The following CNNM2 variants were observed in gnomAD, a reference collection of about 807,000 sequenced individuals.
CNNM2 encodes the protein cyclin and CBS domain divalent metal cation transport mediator 2, also known as metal transporter CNNM2.
CNNM2 carries 12 observed loss-of-function variants against 66.9 expected under a neutral mutation model. That is an observed-to-expected ratio of 0.18 (90% CI 0.11 to 0.29). The LOEUF (loss-of-function observed/expected upper bound fraction) is 0.29, where lower values mean the gene tolerates loss of function less well. CNNM2 is among the 10% of genes least tolerant of loss of function. The pLI is 1.00. For missense variants in CNNM2, 705 were observed against 1,167.7 expected (o/e 0.60, Z 5.77); for synonymous variants, 557 against 501.8 (o/e 1.11, Z -1.47).
intron 1 of CNNM2, among the ~76,000 whole-genome samples, chr10:102,926,647 G>A (rs1377663162): frequency 6.6e-6 from 1 of 151,852 alleles, no homozygotes; most frequent in East Asian, 1.9e-4. Flanking sequence ...CCAGGTTCGA[G>A]TGATCCTCCC....
intron 1 of CNNM2, among the ~76,000 whole-genome samples, chr10:102,973,502 CTGTG>C (rs533098295): frequency 6.7e-6 from 1 of 149,338 alleles, no homozygotes; most frequent in South Asian, 2.1e-4. Flanking sequence ...TGCTAATTTT[CTGTG>C]TGTGTGTGTG....
At chr10:102,948,062 A>C (rs1205911620) in intron 1 of CNNM2, among the ~76,000 whole-genome samples, 2 of 152,138 alleles carry the variant, frequency 1.3e-5, no homozygotes, top group Non-Finnish European at 2.9e-5. Context: ...AAAAAACAAA[A>C]AAACAAACAC....
chr10:103,001,141 A>G (rs1170413380), intron 1 of CNNM2, among the ~76,000 whole-genome samples: 1 of 152,176 alleles, frequency 6.6e-6, no homozygotes, highest in Non-Finnish European at 1.5e-5. Context: ...AGTCAAAATT[A>G]TAGAGATAGA....
chr10:102,956,530 T>C (rs1243655973), intron 1 of CNNM2, among the ~76,000 whole-genome samples: 2 of 152,212 alleles, frequency 1.3e-5, no homozygotes, highest in Non-Finnish European at 2.9e-5. Context: ...CGTATGTTTA[T>C]TGTGGCACTA....
intron 1 of CNNM2, among the ~76,000 whole-genome samples, chr10:102,928,386 G>A (rs895828315): frequency 6.6e-6 from 1 of 151,820 alleles, no homozygotes; most frequent in African/African-American, 2.4e-5. Context: ...AAGATCACCA[G>A]CCTGGCCAAC....
At chr10:102,924,687 C>G (rs1845787150) in intron 1 of CNNM2, among the ~76,000 whole-genome samples, 2 of 150,868 alleles carry the variant, frequency 1.3e-5, no homozygotes, top group Non-Finnish European at 2.9e-5. Flanking sequence ...CAGGCCTGGT[C>G]TTGAACTCCT....
At chr10:103,010,159 G>A (rs911560713) in intron 1 of CNNM2, among the ~76,000 whole-genome samples, 8 of 151,868 alleles carry the variant, frequency 5.3e-5, no homozygotes, top group Non-Finnish European at 8.8e-5. Flanking sequence ...TTTCAATAAC[G>A]TAATATAGAA....
At chr10:103,047,557 A>G (rs2065146810) in intron 1 of CNNM2, among the ~76,000 whole-genome samples, 1 of 152,234 alleles carries the variant, frequency 6.6e-6, no homozygotes, top group Non-Finnish European at 1.5e-5. Flanking sequence ...ATATCATGGT[A>G]GTGTAAGATG....
intron 1 of CNNM2, among the ~76,000 whole-genome samples, chr10:102,982,298 C>G (rs1008840854): frequency 1.3e-5 from 2 of 152,154 alleles, no homozygotes; most frequent in South Asian, 2.1e-4. Context: ...TCTCTCTAGA[C>G]CTTAAGCTCC....
At chr10:102,978,876 T>A (rs767725556) in intron 1 of CNNM2, among the ~76,000 whole-genome samples, 4 of 152,254 alleles carry the variant, frequency 2.6e-5, no homozygotes, top group Non-Finnish European at 5.9e-5. Context: ...GTACAATATG[T>A]ACTGTATTGA....
chr10:103,048,562 C>T (rs188540061), intron 1 of CNNM2, among the ~76,000 whole-genome samples: 6 of 143,672 alleles, frequency 4.2e-5, no homozygotes, highest in African/African-American at 1.5e-4. Flanking sequence ...CATTGGCAGT[C>T]CACACTGCCT....
chr10:102,926,841 G>A (rs1590259233), intron 1 of CNNM2, among the ~76,000 whole-genome samples: 2 of 149,716 alleles, frequency 1.3e-5, no homozygotes, highest in South Asian at 2.1e-4. Context: ...TCAGCTTCCC[G>A]AGAAGCTGGG....
At chr10:102,971,200 CT>C (rs35176861) in intron 1 of CNNM2, among the ~76,000 whole-genome samples, 21 of 133,658 alleles carry the variant, frequency 1.6e-4, no homozygotes, top group South Asian at 4.7e-4. Flanking sequence ...AGACCCCATC[CT>C]TTTTTTTTTT....
intron 4 of CNNM2, among the ~76,000 whole-genome samples, chr10:103,067,000 G>A (rs2065489532): frequency 6.6e-6 from 1 of 152,162 alleles, no homozygotes. Flanking sequence ...AAACCTGAGA[G>A]GCAGTAGTTC....
chr10:103,005,155 TCCAC>T (rs1221825624), intron 1 of CNNM2, among the ~76,000 whole-genome samples: 1 of 151,852 alleles, frequency 6.6e-6, no homozygotes, highest in African/African-American at 2.4e-5. Context: ...CCTCAAGTGA[TCCAC>T]CCACCTCGGC....
At chr10:103,011,228 G>A (rs1434886877) in intron 1 of CNNM2, among the ~76,000 whole-genome samples, 1 of 152,122 alleles carries the variant, frequency 6.6e-6, no homozygotes, top group African/African-American at 2.4e-5. Flanking sequence ...GCTGAGGCAG[G>A]CAGATCACGA....
intron 1 of CNNM2, among the ~76,000 whole-genome samples, chr10:102,934,930 G>A (rs954776078): frequency 6.6e-6 from 1 of 151,568 alleles, no homozygotes; most frequent in Non-Finnish European, 1.5e-5. Context: ...AGGCTGAGGA[G>A]GGCCAATCAC....
intron 1 of CNNM2, among the ~76,000 whole-genome samples, chr10:103,035,191 G>A (rs1370223150): frequency 6.6e-6 from 1 of 152,096 alleles, no homozygotes. Context: ...AAGTAGTCTG[G>A]TCAGTCCTCG....
chr10:103,014,991 T>TAA (rs1443293188), intron 1 of CNNM2, among the ~76,000 whole-genome samples: 2 of 152,194 alleles, frequency 1.3e-5, no homozygotes, highest in Admixed American at 1.3e-4. Context: ...ACTTCAAACT[T>TAA]CTTCCAGTAA....
Sources: allele counts gnomAD v4.1 joint callset (sites outside exome capture counted in the v4.1 genomes callset), GRCh38; gene constraint gnomAD v4.1.1; transcripts MANE v1.5; gene names NCBI Gene and HGNC (gene_info 2026-07-23, HGNC 2026-07-21).